CYSLTR1: variants seen among roughly 807,000 people sequenced by gnomAD.
CYSLTR1 encodes cysteinyl leukotriene receptor 1, also known as G-protein coupled receptor HG55.
A neutral mutation model predicts 2.1 loss-of-function variants in CYSLTR1; 1 was observed. The observed-to-expected ratio is 0.48, with a 90% CI of 0.17 to 2.28. The LOEUF (loss-of-function observed/expected upper bound fraction) is 2.28, where lower values mean the gene tolerates loss of function less well. Ranked by LOEUF, CYSLTR1 falls within the 30% of genes most tolerant of loss-of-function variation. The pLI is 0.26. For synonymous variants in CYSLTR1, 110 were observed against 89.6 expected (o/e 1.23, Z -1.28); for missense variants, 299 against 250.1 (o/e 1.20, Z -1.32).
At chrX:78,325,301 A>G (rs2147280111) in intron 1 of CYSLTR1, among the ~76,000 whole-genome samples, 1 of 111,409 alleles carries the variant, frequency 9.0e-6, no homozygotes, top group East Asian at 2.8e-4. Flanking sequence ...TGACCTAGCA[A>G]TATAGTCTAG....
At chrX:78,299,857 A>G (rs746311648) in intron 1 of CYSLTR1, among the ~76,000 whole-genome samples, 147 of 111,641 alleles carry the variant, frequency 1.3e-3, no homozygotes, top group African/African-American at 3.3e-3. Context: ...GTTCTCTGAT[A>G]CTATCCCTTT....
In CYSLTR1 at chrX:78,273,684, G is replaced by A. The variant is rs201222636; in HGVS notation, c.63C>T (p.Phe21=). Residue 21 remains phenylalanine, a synonymous_variant, in exon 3 of 3, where the codon TTC becomes TTT. Coordinates refer to ENST00000373304, the MANE Select transcript of CYSLTR1 (RefSeq NM_006639.4). ...ACAAGGTGGAATACACTTGATTGCG[G>A]AAGTCATCAATAGTGTCATGGCATG... is the stretch of plus-strand genomic sequence containing the variant. ...SATCHDTIDD[F]RNQVYSTLYS... 30 of 1,209,143 alleles carry A rather than the reference G, an allele frequency of 2.5e-5. No homozygotes were observed. The highest frequency in any genetic ancestry group is 3.2e-5 in the Non-Finnish European group (29 of 894,575).
At chrX:78,282,028 A>G in intron 2 of CYSLTR1, among the ~76,000 whole-genome samples, 1 of 111,929 alleles carries the variant, frequency 8.9e-6, no homozygotes. Context: ...TCTTTTGTAC[A>G]CTGTATAGTT....
At chrX:78,296,308 G>A (rs1922571041) in intron 1 of CYSLTR1, among the ~76,000 whole-genome samples, 2 of 111,614 alleles carry the variant, frequency 1.8e-5, no homozygotes, top group South Asian at 7.4e-4. Context: ...TGGTTTAATA[G>A]TATAATTTCA....
At chrX:78,296,008 C>A (rs148303115) in intron 1 of CYSLTR1, among the ~76,000 whole-genome samples, 26 of 111,352 alleles carry the variant, frequency 2.3e-4, no homozygotes, top group African/African-American at 8.1e-4. Flanking sequence ...CCAATGTTTT[C>A]TTGTAGTAGT....
intron 2 of CYSLTR1, among the ~76,000 whole-genome samples, chrX:78,275,407 T>G (rs1162112259): frequency 9.0e-6 from 1 of 111,650 alleles, no homozygotes; most frequent in Non-Finnish European, 1.9e-5. Context: ...CCATAAAAAA[T>G]GATGAGTTCA....
chrX:78,295,521 G>A lies in CYSLTR1; in HGVS notation c.-114-11981C>T, dbSNP rs957157343. ...TTACATTCTTATCAACAGTATATAA[G>A]ACATTCCTTTTCTTCACATTCTCAC... On this transcript the variant is annotated intron_variant, in intron 1 of 2. Transcript: ENST00000373304. Among the ~76,000 whole-genome samples the A allele has an allele frequency of 5.4e-5, 6 of 110,653 alleles. No individual in the cohort carries two copies. The South Asian group carries it at 1.1e-3, about 21-fold the overall frequency.
intron 1 of CYSLTR1, among the ~76,000 whole-genome samples, chrX:78,303,245 T>C: frequency 9.0e-6 from 1 of 111,461 alleles, no homozygotes; most frequent in East Asian, 2.8e-4. Context: ...GCTCTCTCTC[T>C]TCCCGAGCAC....
Position 78,272,632 on chromosome X carries a change from G to T in CYSLTR1, c.*101C>A. ...TGTAGGCCCAAATAGTTAAGTATTT[G>T]TAAAATATTAAGTAAAATTTTTATT... On this transcript the variant is annotated 3_prime_UTR_variant, in exon 3 of 3. Transcript: ENST00000373304. 1 of 851,059 alleles carries T rather than the reference G, an allele frequency of 1.2e-6. No homozygotes were observed. Among genetic ancestry groups the T allele is most frequent in the African/African-American group, 2.1e-5 (1 of 48,695 alleles). The allele number at this position is 851,059 out of a possible 1,213,427, so 70.1% of individuals were successfully genotyped here. A position where few individuals can be genotyped will look rare whatever the true frequency, so the allele number is the denominator to read the frequency against.
intron 2 of CYSLTR1, among the ~76,000 whole-genome samples, chrX:78,279,214 A>T (rs1427265144): frequency 2.7e-5 from 3 of 111,814 alleles, no homozygotes; most frequent in Non-Finnish European, 3.8e-5. Context: ...TATACATCCA[A>T]CAAAGGTCTA....
At chrX:78,295,718 T>C (rs940532502) in intron 1 of CYSLTR1, among the ~76,000 whole-genome samples, 1 of 111,713 alleles carries the variant, frequency 9.0e-6, no homozygotes, top group Non-Finnish European at 1.9e-5. Flanking sequence ...TTTCAAATCT[T>C]TTGCCCATTT....
intron 1 of CYSLTR1, among the ~76,000 whole-genome samples, chrX:78,298,448 C>G (rs901601904): frequency 9.0e-6 from 1 of 111,328 alleles, no homozygotes; most frequent in African/African-American, 3.3e-5. Flanking sequence ...TTTGGAACAT[C>G]TGTCCAATGC....
chrX:78,325,544 C>T (rs1045194301), intron 1 of CYSLTR1, among the ~76,000 whole-genome samples: 1 of 111,837 alleles, frequency 8.9e-6, no homozygotes, highest in East Asian at 2.8e-4. Flanking sequence ...TGTTAACTTG[C>T]CAGAGAACAC....
In CYSLTR1 at chrX:78,272,766, C is replaced by G; in HGVS notation, c.981G>C (p.Leu327Phe). ...TACATATTTCTTCTCCTTTTTCTGG[C>G]AAAGAGGCCTTCTTTCTGGGTACAT... is the stretch of plus-strand genomic sequence containing the variant. ...VTYVPRKKAS[L>F]PEKGEEICKV is the part of the protein sequence containing the mutation. The change falls in exon 3 of 3, where the codon TTG becomes TTC. Residue 327 changes from leucine to phenylalanine, a missense_variant. Leu to Phe is a conservative substitution (Grantham distance 22, BLOSUM62 0). Transcript: ENST00000373304. 1.7e-6 allele frequency: 2 copies of G among 1,199,899 alleles called. No individual in the cohort carries two copies. Among genetic ancestry groups the G allele is most frequent in the Admixed American group, 2.3e-5 (1 of 44,145 alleles).
Position 78,272,714 on chromosome X carries a change from G to T in CYSLTR1, c.*19C>A. 2 of 1,109,671 alleles carry T rather than the reference G, an allele frequency of 1.8e-6. No homozygotes were observed. Among genetic ancestry groups the T allele is most frequent in the Non-Finnish European group, 2.4e-6 (2 of 842,466 alleles). 91.4% of individuals were successfully genotyped at this position (1,109,671 alleles called of 1,213,427 possible). ...TTGGGAAACTATTTTCATTGGTTTG[G>T]ACTGGAAATGGGTTTAAACTATACT... On this transcript the variant is annotated 3_prime_UTR_variant, in exon 3 of 3. Coordinates refer to ENST00000373304, the MANE Select transcript of CYSLTR1 (RefSeq NM_006639.4).
chrX:78,317,037 G>A (rs953055660), intron 1 of CYSLTR1, among the ~76,000 whole-genome samples: 1 of 112,297 alleles, frequency 8.9e-6, no homozygotes, highest in Non-Finnish European at 1.9e-5. Flanking sequence ...AATTAGTACA[G>A]TAAACAGACA....
rs770779775 is a variant in CYSLTR1, at chrX:78,272,560, A to T, written c.*173T>A. On this transcript the variant is annotated 3_prime_UTR_variant, in exon 3 of 3. Coordinates refer to ENST00000373304, the MANE Select transcript of CYSLTR1 (RefSeq NM_006639.4). ...TGTGGACCGAATTTTTAGCACTTAAAATATCTATAAATATCTAATCATGTG... is the reference window on the plus strand; with the variant it reads ...TGTGGACCGAATTTTTAGCACTTAATATATCTATAAATATCTAATCATGTG... 1.1e-4 allele frequency: 46 copies of T among 401,085 alleles called. No homozygotes were observed. Among genetic ancestry groups the T allele is most frequent in the Non-Finnish European group, 1.8e-4 (45 of 256,925 alleles). 33.1% of individuals were successfully genotyped at this position (401,085 alleles called of 1,213,427 possible).
intron 2 of CYSLTR1, among the ~76,000 whole-genome samples, chrX:78,282,600 TG>T: frequency 8.9e-6 from 1 of 112,077 alleles, no homozygotes; most frequent in Non-Finnish European, 1.9e-5. Flanking sequence ...CTAACCATAA[TG>T]TTAAAAAACA....
chrX:78,299,056 G>A (rs974796425), intron 1 of CYSLTR1, among the ~76,000 whole-genome samples: 1 of 110,673 alleles, frequency 9.0e-6, no homozygotes. Flanking sequence ...TTGGTTTGAG[G>A]TTACCATGAG....
Sources: gnomAD v4.1 joint callset for allele counts (sites outside exome capture counted in the v4.1 genomes callset) on GRCh38, gnomAD v4.1.1 for gene constraint, MANE v1.5 for transcripts, NCBI Gene and HGNC (gene_info 2026-07-23, HGNC 2026-07-21) for gene names.